The following RPGRIP1 variants were observed in gnomAD, a reference collection of about 807,000 sequenced individuals.
The protein encoded by RPGRIP1 is RPGR interacting protein 1.
A neutral mutation model predicts 157.9 loss-of-function variants in RPGRIP1; 128 were observed. The ratio of observed to expected loss-of-function variants is 0.81; its 90% confidence interval spans 0.70 to 0.94. RPGRIP1 has a LOEUF of 0.94. Ranked by LOEUF, RPGRIP1 falls within the 40% of genes least tolerant of loss-of-function variation. The probability of loss-of-function intolerance (pLI) is 0.00; values close to 1 mark genes in which losing one functional copy is unlikely to be tolerated. For synonymous variants in RPGRIP1, 554 were observed against 571.6 expected, an observed-to-expected ratio of 0.97 and a Z score of 0.44; for missense variants, 1,486 against 1,545.8, an observed-to-expected ratio of 0.96 and a Z score of 0.65.
chr14:21,328,434 C>A lies in RPGRIP1; in HGVS notation c.2906C>A (p.Ala969Glu). ...GATCTTTCTATTCAGGATCAGATGG[C>A]ATCTCCTGAGGTTCCCATTGAAGCT... ...KASFPSQDQM[A>E]SPEVPIEAGQ... Residue 969 changes from alanine to glutamate, a missense_variant, in exon 19 of 25, where the codon GCA becomes GAA. Transcript: ENST00000400017. 6.2e-7 allele frequency: 1 copy of A among 1,610,812 alleles called. No individual in the cohort carries two copies. The highest frequency in any genetic ancestry group is 8.5e-7 in the Non-Finnish European group (1 of 1,178,532).
intron 7 of RPGRIP1, among the ~76,000 whole-genome samples, chr14:21,308,795 G>A (rs149998512): frequency 6.6e-6 from 1 of 152,348 alleles, no homozygotes; most frequent in African/African-American, 2.4e-5. Context: ...ATATGAGTAG[G>A]CAGGAGGAGG....
intron 2 of RPGRIP1, among the ~76,000 whole-genome samples, chr14:21,292,599 T>G (rs1880579762): frequency 6.6e-6 from 1 of 152,070 alleles, no homozygotes; most frequent in Non-Finnish European, 1.5e-5. Flanking sequence ...CCCAGCACTT[T>G]GGGAGGCTGA....
At chr14:21,349,749 C>G (rs537782715) in intron 24 of RPGRIP1, among the ~76,000 whole-genome samples, 1 of 152,284 alleles carries the variant, frequency 6.6e-6, no homozygotes, top group African/African-American at 2.4e-5. Flanking sequence ...TCTTCTACCC[C>G]ATTTCCATCT....
intron 10 of RPGRIP1, among the ~76,000 whole-genome samples, chr14:21,314,251 A>C (rs1881669487): frequency 6.6e-6 from 1 of 151,658 alleles, no homozygotes; most frequent in Non-Finnish European, 1.5e-5. Flanking sequence ...CCCGGCTAAT[A>C]GTTTCTATAT....
intron 5 of RPGRIP1, 46 bp from the exon 6 acceptor site, chr14:21,303,285 C>T: frequency 1.4e-6 from 2 of 1,432,766 alleles, no homozygotes; most frequent in Non-Finnish European, 1.9e-6. Flanking sequence ...GAACCCAATT[C>T]TAAACTCCTG....
chr14:21,283,494 G>C (rs879443018), intron 1 of RPGRIP1, among the ~76,000 whole-genome samples: 2 of 151,814 alleles, frequency 1.3e-5, no homozygotes, highest in African/African-American at 4.8e-5. Flanking sequence ...GTAGAAATGG[G>C]GTTTCGCCAT....
chr14:21,325,726 T>C (rs1883007955), intron 16 of RPGRIP1, 105 bp from the exon 17 acceptor site: 8 of 838,392 alleles, frequency 9.5e-6, no homozygotes, highest in Non-Finnish European at 1.5e-5. Flanking sequence ...CCAGTTGGGA[T>C]AGCTGTTCTC....
chr14:21,295,411 A>T (rs946229365), intron 3 of RPGRIP1, among the ~76,000 whole-genome samples: 1 of 151,812 alleles, frequency 6.6e-6, no homozygotes, highest in Non-Finnish European at 1.5e-5. Context: ...GATCGTATTG[A>T]TCCCTGCAGG....
In RPGRIP1 at chr14:21,289,155, G is replaced by A. The variant is rs866356872; in HGVS notation, c.85+1094G>A. Among the ~76,000 whole-genome samples the A allele has an allele frequency of 2.6e-4, 40 of 152,036 alleles. 1 individual carries two copies. The highest frequency in any genetic ancestry group is 8.4e-4 in the African/African-American group (35 of 41,482). On this transcript the variant is annotated intron_variant, in intron 2 of 24. Transcript: ENST00000400017. Reference sequence around the variant, plus strand: ...ATCCTGGCTAACATGGTGAAACCCCGTCTCTACTAAAAATACAAAAAAATT... The same window carrying A: ...ATCCTGGCTAACATGGTGAAACCCCATCTCTACTAAAAATACAAAAAAATT...
chr14:21,324,778 C>T lies in RPGRIP1; in HGVS notation c.1923C>T (p.Ala641=), dbSNP rs757032709. The T allele has an allele frequency of 2.4e-5, 39 of 1,613,930 alleles. No homozygotes were observed. Among genetic ancestry groups the T allele is most frequent in the Non-Finnish European group, 3.1e-5 (37 of 1,179,914 alleles). ...HIHQAFLTSA[A]LAQAGDTQPT... is the part of the protein sequence containing the mutation. ...ACCAGGCCTTCCTGACATCTGCCGC[C>T]CTAGCTCAGGCTGGAGATACCCAAC... The change falls in exon 15 of 25, where the codon GCC becomes GCT. Residue 641 remains alanine (A), a synonymous_variant. Coordinates refer to ENST00000400017, the MANE Select transcript of RPGRIP1 (RefSeq NM_020366.4).
At position 21,343,028 on chromosome 14, in the gene RPGRIP1, C is replaced by A; in HGVS notation, c.3340-8C>A. 6.2e-7 allele frequency: 1 copy of A among 1,608,012 alleles called. No individual in the cohort carries two copies. On this transcript the variant is annotated splice_region_variant and splice_polypyrimidine_tract_variant and intron_variant, in intron 21 of 24. Coordinates refer to ENST00000400017, the MANE Select transcript of RPGRIP1 (RefSeq NM_020366.4). ...CTTTAGGAACTAAATAAACATTTTCCTTATCAGGATTCAGAGAAGATGTGC... is the reference window on the plus strand; with the variant it reads ...CTTTAGGAACTAAATAAACATTTTCATTATCAGGATTCAGAGAAGATGTGC...
At chr14:21,283,812 A>G (rs1161871474) in intron 1 of RPGRIP1, among the ~76,000 whole-genome samples, 1 of 151,264 alleles carries the variant, frequency 6.6e-6, no homozygotes, top group African/African-American at 2.4e-5. Flanking sequence ...GCCTGTCACC[A>G]TGCCCAGCTA....
chr14:21,332,606 C>T (rs1365499581), intron 20 of RPGRIP1, among the ~76,000 whole-genome samples: 1 of 152,206 alleles, frequency 6.6e-6, no homozygotes, highest in Non-Finnish European at 1.5e-5. Flanking sequence ...TCCCAATTTA[C>T]ATTTCTTCAG....
rs936240310 is a variant in RPGRIP1 at position 21,325,922 on chromosome 14, C to A, written c.2459C>A (p.Pro820His). 3.1e-6 allele frequency: 5 copies of A among 1,613,950 alleles called. No homozygotes were observed. Among genetic ancestry groups the A allele is most frequent in the African/African-American group, 1.3e-5 (1 of 75,018 alleles). The change falls in exon 17 of 25, where the codon CCC becomes CAC. Residue 820 changes from proline to histidine, a missense_variant. Pro to His is a moderately conservative substitution (Grantham distance 77, BLOSUM62 -2). Transcript: ENST00000400017. The part of the protein sequence containing the change: ...GLRSRWLGTQ[P>H]SPYAVYRFFT... ...CGGAGTCGATGGCTGGGAACTCAAC[C>A]CAGTCCATATGCTGTGTACCGCTTC...
At chr14:21,309,089 G>T (rs903282082) in intron 7 of RPGRIP1, among the ~76,000 whole-genome samples, 6 of 152,220 alleles carry the variant, frequency 3.9e-5, no homozygotes, top group Admixed American at 3.9e-4. Context: ...GTAAGAGCCA[G>T]GGCTTTCCTG....
chr14:21,318,257 C>A, intron 11 of RPGRIP1: 1 of 359,770 alleles, frequency 2.8e-6, no homozygotes, highest in Non-Finnish European at 5.3e-6. Context: ...CAAGCATGCA[C>A]TACCACGCCT....
At chr14:21,281,727 A>ATAATAAT (rs1476725236) in intron 1 of RPGRIP1, among the ~76,000 whole-genome samples, 2 of 147,736 alleles carry the variant, frequency 1.4e-5, no homozygotes, top group Non-Finnish European at 3.0e-5. Flanking sequence ...AATAATAATA[A>ATAATAAT]TAATAATAAT....
chr14:21,293,366 T>G (rs896708202), intron 2 of RPGRIP1, among the ~76,000 whole-genome samples: 1 of 152,160 alleles, frequency 6.6e-6, no homozygotes, highest in African/African-American at 2.4e-5. Context: ...AAAAAAGTTT[T>G]TATCCTTTTC....
chr14:21,339,691 TG>T (rs1285781434), intron 21 of RPGRIP1, among the ~76,000 whole-genome samples: 1 of 152,194 alleles, frequency 6.6e-6, no homozygotes, highest in Admixed American at 6.5e-5. Flanking sequence ...TAATGGGTAA[TG>T]ATTGAGATTT....
Sources: gnomAD v4.1 joint callset for allele counts (sites outside exome capture counted in the v4.1 genomes callset) on GRCh38, gnomAD v4.1.1 for gene constraint, MANE v1.5 for transcripts, NCBI Gene and HGNC (gene_info 2026-07-23, HGNC 2026-07-21) for gene names.